Variants in DMD observed in about 807,000 individuals in gnomAD.
DMD encodes dystrophin, also known as mutant dystrophin.
A neutral mutation model predicts 330.1 loss-of-function variants in DMD; 63 were observed. The observed-to-expected ratio is 0.19, with a 90% CI of 0.16 to 0.24. The LOEUF is 0.24. Ranked by LOEUF, DMD falls within the 10% of genes least tolerant of loss-of-function variation. The probability of loss-of-function intolerance (pLI) is 1.00; values close to 1 mark genes in which losing one functional copy is unlikely to be tolerated. For missense variants in DMD, 3,344 were observed against 2,684.1 expected, an observed-to-expected ratio of 1.25 and a Z score of -5.43; for synonymous variants, 1,223 against 959.8, an observed-to-expected ratio of 1.27 and a Z score of -5.07.
At position 31,169,592 on chromosome X, in the gene DMD, T is replaced by C; in HGVS notation, c.10404A>G (p.Glu3468=). The C allele has an allele frequency of 8.3e-7, 1 of 1,202,905 alleles. No homozygotes were observed. The highest frequency in any genetic ancestry group is 1.1e-6 in the Non-Finnish European group (1 of 890,566). The change falls in exon 74 of 79, where the codon GAA becomes GAG. Residue 3468 remains glutamate (E), a synonymous_variant. Coordinates refer to ENST00000357033, the MANE Select transcript of DMD (RefSeq NM_004006.3). ...SISPNESIDD[E]HLLIQHYCQS... is the part of the protein sequence containing the mutation. ...GGCAGTAATGCTGGATTAACAAATG[T>C]TCATCATCTCTGGAAAATAAAATCA...
At chrX:32,312,942 C>CAAAAAA (rs767993498) in intron 41 of DMD, among the ~76,000 whole-genome samples, 459 of 20,349 alleles carry the variant, frequency 0.023, 63 homozygotes, top group African/African-American at 0.03. Context: ...GCCTACGAAC[C>CAAAAAA]AAAAAAAAAA....
At chrX:31,621,378 G>A (rs1234603433) in intron 55 of DMD, among the ~76,000 whole-genome samples, 2 of 111,803 alleles carry the variant, frequency 1.8e-5, no homozygotes, top group Non-Finnish European at 3.8e-5. Context: ...CCCTGCATGG[G>A]TCTCATATCT....
chrX:32,657,301 A>T (rs2060642913), intron 9 of DMD, among the ~76,000 whole-genome samples: 1 of 111,790 alleles, frequency 8.9e-6, no homozygotes, highest in Non-Finnish European at 1.9e-5. Context: ...AAATGTACCT[A>T]GAACAATTTA....
At chrX:32,379,080 T>C (rs185193676) in intron 34 of DMD, among the ~76,000 whole-genome samples, 1 of 109,965 alleles carries the variant, frequency 9.1e-6, no homozygotes, top group East Asian at 2.8e-4. Context: ...TGCAAATGAA[T>C]ATACTTTATT....
At position 33,236,791 on chromosome X, in the gene DMD, C is replaced by G. The variant is rs180706882; in HGVS notation, c.7+102468G>C. Among the ~76,000 whole-genome samples the G allele has an allele frequency of 4.5e-5, 5 of 111,471 alleles. No individual in the cohort carries two copies. In the East Asian group the frequency reaches 1.1e-3, roughly 25 times the overall value. ...GCTAGTGAGGATTAACCACTTTTCT[C>G]TCCTAGCAAAAACTCCCAAATGGTG... On this transcript the variant is annotated intron_variant, in intron 1 of 17. Transcript: ENST00000288447.
intron 1 of DMD, among the ~76,000 whole-genome samples, chrX:33,107,317 C>G (rs1009121444): frequency 1.6e-4 from 12 of 76,458 alleles, no homozygotes; most frequent in East Asian, 8.5e-4. Context: ...TGTCCCCCCC[C>G]CCCCCCCAAC....
rs186130519 is a variant in DMD at position 31,184,195 on chromosome X, C to T, written c.9808-1291G>A. ...AAGTGCTGGGATAACAGGCGTGAGC[C>T]ACTGCGCCTGGCCCAAGTATAAAAT... On this transcript the variant is annotated intron_variant, in intron 67 of 78. Coordinates refer to ENST00000357033, the MANE Select transcript of DMD (RefSeq NM_004006.3). Among the ~76,000 whole-genome samples the T allele has an allele frequency of 3.7e-3, 412 of 112,401 alleles. 5 individuals carry two copies. The highest frequency in any genetic ancestry group is 0.013 in the African/African-American group (389 of 30,922).
At chrX:31,690,472 G>T (rs1375493578) in intron 52 of DMD, among the ~76,000 whole-genome samples, 4 of 111,871 alleles carry the variant, frequency 3.6e-5, no homozygotes, top group African/African-American at 1.3e-4. Flanking sequence ...GGAAACAACA[G>T]GTGCTGGAGA....
At chrX:31,183,245 T>G (rs896265086) in intron 67 of DMD, among the ~76,000 whole-genome samples, 6 of 108,566 alleles carry the variant, frequency 5.5e-5, no homozygotes, top group Admixed American at 2.0e-4. Context: ...TACATAAAAG[T>G]TAGCCAGAAG....
At chrX:32,736,351 A>C (rs1343590952) in intron 7 of DMD, among the ~76,000 whole-genome samples, 6 of 111,734 alleles carry the variant, frequency 5.4e-5, no homozygotes, top group African/African-American at 2.0e-4. Flanking sequence ...TGTGGAAGTC[A>C]GTGTGGCCAT....
At chrX:33,047,103 G>A (rs999888957) in intron 1 of DMD, among the ~76,000 whole-genome samples, 1 of 111,549 alleles carries the variant, frequency 9.0e-6, no homozygotes, top group East Asian at 2.8e-4. Context: ...AAAGCTTAGC[G>A]AGGTTAAGTA....
At chrX:31,437,428 C>T (rs1195751215) in intron 60 of DMD, among the ~76,000 whole-genome samples, 1 of 111,652 alleles carries the variant, frequency 9.0e-6, no homozygotes, top group Non-Finnish European at 1.9e-5. Context: ...GCAGGCCTCA[C>T]CCGATACTAA....
At chrX:31,211,844 C>T (rs773917177) in intron 64 of DMD, among the ~76,000 whole-genome samples, 5 of 112,028 alleles carry the variant, frequency 4.5e-5, no homozygotes, top group African/African-American at 1.6e-4. Context: ...CTGAAGAGCA[C>T]ATTTCCCTAA....
chrX:32,128,256 T>A (rs760221894), intron 44 of DMD, among the ~76,000 whole-genome samples: 63 of 112,110 alleles, frequency 5.6e-4, no homozygotes, highest in Admixed American at 1.3e-3. Flanking sequence ...AACATGTTTG[T>A]TTACAAAATC....
At chrX:33,158,404 T>G (rs1400401003) in intron 1 of DMD, among the ~76,000 whole-genome samples, 1 of 111,022 alleles carries the variant, frequency 9.0e-6, no homozygotes, top group Non-Finnish European at 1.9e-5. Context: ...TCTTTGTTCC[T>G]TGTGACTCAT....
intron 1 of DMD, among the ~76,000 whole-genome samples, chrX:33,307,013 T>C (rs2053773267): frequency 9.0e-6 from 1 of 111,721 alleles, no homozygotes; most frequent in Non-Finnish European, 1.9e-5. Flanking sequence ...TTTTAAAGTA[T>C]GTAAAATTAT....
chrX:32,366,659 T>C (rs947176128), intron 34 of DMD, among the ~76,000 whole-genome samples: 3 of 111,856 alleles, frequency 2.7e-5, no homozygotes, highest in African/African-American at 9.7e-5. Flanking sequence ...GTCTTTTCTA[T>C]CTTTATAATA....
chrX:31,929,892 G>A, intron 46 of DMD, 147 bp from the exon 47 acceptor site: 1 of 625,922 alleles, frequency 1.6e-6, no homozygotes, highest in African/African-American at 2.2e-5. Context: ...TTTTCTATCT[G>A]AGCACAGAGC....
At chrX:32,350,896 G>T (rs1251787226) in intron 37 of DMD, among the ~76,000 whole-genome samples, 1 of 110,251 alleles carries the variant, frequency 9.1e-6, no homozygotes, top group Non-Finnish European at 1.9e-5. Flanking sequence ...CTCCTTCAAT[G>T]ACCTTAGAAT....
Sources: gnomAD v4.1 joint callset for allele counts (sites outside exome capture counted in the v4.1 genomes callset) on GRCh38, gnomAD v4.1.1 for gene constraint, MANE v1.5 for transcripts, NCBI Gene and HGNC (gene_info 2026-07-23, HGNC 2026-07-21) for gene names.